The following CHD2 variants were observed in gnomAD, a reference collection of about 807,000 sequenced individuals.
CHD2 encodes the protein ATP-dependent chromatin remodeler CHD2.
In CHD2, 28 loss-of-function variants were observed where a neutral mutation model predicts 243.9. That is an observed-to-expected ratio of 0.11 (90% CI 0.09 to 0.16). The LOEUF (loss-of-function observed/expected upper bound fraction) is 0.16. CHD2 is among the 10% of genes least tolerant of loss of function. CHD2 has a pLI of 1.00. For missense variants in CHD2, 1,386 were observed against 2,209.8 expected (o/e 0.63, Z 7.47); for synonymous variants, 775 against 779.0 (o/e 0.99, Z 0.09).
Position 92,971,896 on chromosome 15 carries a change from A to G in CHD2, c.2321A>G (p.Asn774Ser). ...HCYLIKPPEE[N>S]ERENGQEILL... is the part of the protein sequence containing the mutation. ...TATCTGATTAAACCCCCTGAAGAAA[A>G]TGAAAGGGAAAATGGACAGGAGATT... The change falls in exon 18 of 39, where the codon AAT becomes AGT. Residue 774 changes from asparagine to serine, a missense_variant. By Grantham distance (46) the Asn-to-Ser change is conservative. Coordinates refer to ENST00000394196, the MANE Select transcript of CHD2 (RefSeq NM_001271.4). 1 of 1,612,658 alleles carries G rather than the reference A, an allele frequency of 6.2e-7. No individual in the cohort carries two copies. The highest frequency in any genetic ancestry group is 8.5e-7 in the Non-Finnish European group (1 of 1,179,580).
rs988975454 is a variant in CHD2, at chr15:93,020,048, ATGG to A, written c.4950_4952del (p.Gly1651del). The A allele has an allele frequency of 1.9e-5, 31 of 1,613,936 alleles. No individual in the cohort carries two copies. Among genetic ancestry groups the A allele is most frequent in the African/African-American group, 1.9e-4 (14 of 74,902 alleles). ...TGGCAGAGGGAAAGAAAGTTCAACT[ATGG>A]TGGTGGCAACAACAATCCACCATGG... is the stretch of plus-strand genomic sequence containing the variant. On this transcript the variant is annotated inframe_deletion, in exon 38 of 39. Coordinates refer to ENST00000394196, the MANE Select transcript of CHD2 (RefSeq NM_001271.4).
chr15:92,906,226 A>G (rs2141706658), intron 2 of CHD2, among the ~76,000 whole-genome samples: 1 of 152,284 alleles, frequency 6.6e-6, no homozygotes, highest in African/African-American at 2.4e-5. Context: ...AGCAGCAAGA[A>G]AAGAGTGTTG....
At chr15:92,939,774 G>C (rs1419389162) in intron 7 of CHD2, 56 bp downstream of exon 7, 17 of 1,571,052 alleles carry the variant, frequency 1.1e-5, no homozygotes, top group Non-Finnish European at 1.7e-6. Flanking sequence ...TAGTTGGTTA[G>C]ATTTTGGTTC....
At chr15:93,005,970 T>A (rs2054315125) in intron 34 of CHD2, among the ~76,000 whole-genome samples, 1 of 152,204 alleles carries the variant, frequency 6.6e-6, no homozygotes, top group Non-Finnish European at 1.5e-5. Context: ...TATGAAATCT[T>A]TAAAAGATGC....
intron 2 of CHD2, among the ~76,000 whole-genome samples, chr15:92,908,826 A>G (rs547239077): frequency 6.6e-6 from 1 of 152,350 alleles, no homozygotes; most frequent in Non-Finnish European, 1.5e-5. Context: ...TACCTTTAAA[A>G]TGTATACACA....
chr15:92,961,876 C>CTTTTTTTTTT lies in CHD2; in HGVS notation c.2000+5241_2000+5250dup, dbSNP rs3064790. ...GGTTTCTTCCTCTGTTTTTTCTTCT[C>CTTTTTTTTTT]TTTTTTTTTTTTTTTTTTTTTTTGA... On this transcript the variant is annotated intron_variant, in intron 16 of 38. Transcript: ENST00000394196. Among the ~76,000 whole-genome samples the CTTTTTTTTTT allele has an allele frequency of 2.0e-3, 154 of 78,576 alleles. 5 individuals carry two copies. Among genetic ancestry groups the CTTTTTTTTTT allele is most frequent in the South Asian group, 3.7e-3 (7 of 1,906 alleles). The allele number at this position is 78,576 out of a possible 152,430, so 51.5% of individuals were successfully genotyped here. A position where few individuals can be genotyped will look rare whatever the true frequency, so the allele number is the denominator to read the frequency against.
chr15:93,006,567 T>G (rs1296004025), intron 34 of CHD2, among the ~76,000 whole-genome samples: 1 of 152,214 alleles, frequency 6.6e-6, no homozygotes, highest in Non-Finnish European at 1.5e-5. Context: ...TTTATGTGCT[T>G]TATATATATT....
At chr15:92,918,255 A>G (rs1020712288) in intron 2 of CHD2, among the ~76,000 whole-genome samples, 33 of 152,192 alleles carry the variant, frequency 2.2e-4, no homozygotes, top group Admixed American at 4.6e-4. Context: ...AGAGATACCA[A>G]ATTCTTTTTA....
At chr15:93,007,398 CT>C (rs2054334915) in intron 34 of CHD2, among the ~76,000 whole-genome samples, 1 of 152,096 alleles carries the variant, frequency 6.6e-6, no homozygotes, top group African/African-American at 2.4e-5. Flanking sequence ...TGTAGGAATT[CT>C]TTTTACATTC....
intron 26 of CHD2, among the ~76,000 whole-genome samples, chr15:92,991,081 C>T (rs1051713719): frequency 2.0e-5 from 3 of 152,154 alleles, no homozygotes; most frequent in Non-Finnish European, 2.9e-5. Context: ...CAGTGGTGAA[C>T]TGAATACGCT....
At position 92,955,434 on chromosome 15, in the gene CHD2, T is replaced by C. The variant is rs775228416; in HGVS notation, c.1731T>C (p.Tyr577=). Reference sequence around the variant, plus strand: ...TTTTTTTCTTATAGATACGGGAATATGAATGGATTCATTCCCAAACCAAAA... The same window carrying C: ...TTTTTTTCTTATAGATACGGGAATACGAATGGATTCATTCCCAAACCAAAA... ...DLMSRNTIRE[Y]EWIHSQTKRL... is the part of the protein sequence containing the mutation. Residue 577 remains tyrosine, a synonymous_variant, in exon 15 of 39, where the codon TAT becomes TAC. Transcript: ENST00000394196. 1 of 1,583,416 alleles carries C rather than the reference T, an allele frequency of 6.3e-7. No individual in the cohort carries two copies. The highest frequency in any genetic ancestry group is 2.3e-5 in the East Asian group (1 of 43,012).
chr15:92,949,398 G>A (rs1567138464), intron 13 of CHD2, among the ~76,000 whole-genome samples: 1 of 152,144 alleles, frequency 6.6e-6, no homozygotes, highest in East Asian at 1.9e-4. Context: ...TCTTTAATGT[G>A]GAAGGAGTTA....
Position 92,901,216 on chromosome 15 carries a change from CT to C in CHD2, c.-20del. On this transcript the variant is annotated 5_prime_UTR_variant, in exon 2 of 39. Transcript: ENST00000394196. ...AAGCAAACACAGATTCCCCCTCCCC[CT>C]TAATATTTAAGAATTAAAAGATGAT... 6.7e-7 allele frequency: 1 copy of C among 1,496,944 alleles called. No homozygotes were observed. Among genetic ancestry groups the C allele is most frequent in the South Asian group, 1.1e-5 (1 of 87,256 alleles). The allele number at this position is 1,496,944 out of a possible 1,614,324, so 92.7% of individuals were successfully genotyped here.
rs373368992 is a variant in CHD2, at chr15:92,922,244, AGTTACATAAAAG to A, written c.63-2076_63-2065del. On this transcript the variant is annotated intron_variant, in intron 2 of 38. Transcript: ENST00000394196. Reference sequence around the variant, plus strand: ...AATTTCTAGTTTTGTCCATTGGCCAAGTTACATAAAAGAGGTCAGTTTTTTTCGTCATTCATA... The same window carrying A: ...AATTTCTAGTTTTGTCCATTGGCCAAAGGTCAGTTTTTTTCGTCATTCATA... Among the ~76,000 whole-genome samples, 208 of 152,342 alleles carry A rather than the reference AGTTACATAAAAG, an allele frequency of 1.4e-3. 1 individual carries two copies. The highest frequency in any genetic ancestry group is 2.2e-3 in the Non-Finnish European group (152 of 68,030).
At chr15:92,935,952 AC>A (rs1181920200) in intron 5 of CHD2, among the ~76,000 whole-genome samples, 1 of 151,976 alleles carries the variant, frequency 6.6e-6, no homozygotes, top group African/African-American at 2.4e-5. Context: ...TTTTAACCTA[AC>A]AAAGAAACAT....
chr15:92,923,040 A>G (rs1302455263), intron 2 of CHD2, among the ~76,000 whole-genome samples: 1 of 152,168 alleles, frequency 6.6e-6, no homozygotes, highest in East Asian at 1.9e-4. Flanking sequence ...GGGTGTTCTC[A>G]TTAGCATCAG....
At position 92,998,978 on chromosome 15, in the gene CHD2, G is replaced by C. The variant is rs1042386637; in HGVS notation, c.4008+357G>C. Among the ~76,000 whole-genome samples the C allele has an allele frequency of 2.7e-5, 4 of 149,592 alleles. No homozygotes were observed. Among genetic ancestry groups the C allele is most frequent in the Non-Finnish European group, 4.4e-5 (3 of 67,748 alleles). On this transcript the variant is annotated intron_variant, in intron 31 of 38. Coordinates refer to ENST00000394196, the MANE Select transcript of CHD2 (RefSeq NM_001271.4). The surrounding 1 kb of genome is among the most constrained non-coding windows in gnomAD (Gnocchi z 5.1). ...ACACGCCTGTAATCCCAGCTACTTA[G>C]GAGGCTGAGGCAGGAGAATGGTGTG...
chr15:92,955,219 C>T (rs1233115524), intron 14 of CHD2, among the ~76,000 whole-genome samples: 1 of 152,070 alleles, frequency 6.6e-6, no homozygotes, highest in Non-Finnish European at 1.5e-5. Flanking sequence ...AAAGCTTTTG[C>T]TGTTCGGTGG....
chr15:92,989,301 G>C (rs1307394140), intron 26 of CHD2, among the ~76,000 whole-genome samples: 1 of 152,042 alleles, frequency 6.6e-6, no homozygotes, highest in South Asian at 2.1e-4. Context: ...CAAAGTGCTC[G>C]GATTACAGGC....
Sources: gnomAD v4.1 joint callset for allele counts (sites outside exome capture counted in the v4.1 genomes callset) on GRCh38, gnomAD v4.1.1 for gene constraint, Gnocchi (gnomAD v3.1) non-coding constraint, MANE v1.5 for transcripts, NCBI Gene and HGNC (gene_info 2026-07-23, HGNC 2026-07-21) for gene names.